ETV1: variants seen among roughly 807,000 people sequenced by gnomAD.
The protein encoded by ETV1 is ETS translocation variant 1.
Under a neutral mutation model 62.3 loss-of-function variants are expected in ETV1, and 27 were observed. The observed-to-expected ratio is 0.43, with a 90% CI of 0.32 to 0.60. The LOEUF (loss-of-function observed/expected upper bound fraction) is 0.60, where lower values mean the gene tolerates loss of function less well. Ranked by LOEUF, ETV1 falls within the 20% of genes least tolerant of loss-of-function variation. The probability of loss-of-function intolerance (pLI) is 0.06; values close to 1 mark genes in which losing one functional copy is unlikely to be tolerated. For missense variants in ETV1, 605 were observed against 605.8 expected (o/e 1.00, Z 0.01); for synonymous variants, 222 against 199.6 (o/e 1.11, Z -0.94).
chr7:13,896,782 A>AAGAAAGAAAGAAAG (rs1781885044), intron 13 of ETV1, among the ~76,000 whole-genome samples: 1 of 151,766 alleles, frequency 6.6e-6, no homozygotes, highest in Non-Finnish European at 1.5e-5. Flanking sequence ...GAAAGAAAGA[A>AAGAAAGAAAGAAAG]AGAAAGAAAG....
chr7:13,964,076 G>C (rs919787924), intron 6 of ETV1, among the ~76,000 whole-genome samples: 1 of 152,162 alleles, frequency 6.6e-6, no homozygotes, highest in Non-Finnish European at 1.5e-5. Flanking sequence ...ACAGACCCGT[G>C]AGTTGAGACA....
At chr7:13,906,620 G>A in intron 11 of ETV1, 21 bp from the exon 12 acceptor site, 2 of 1,555,366 alleles carry the variant, frequency 1.3e-6, no homozygotes, top group South Asian at 1.2e-5. Flanking sequence ...ACATTTTTAA[G>A]TTTCTATTAT....
chr7:13,909,055 A>G (rs1248345209), intron 11 of ETV1, among the ~76,000 whole-genome samples: 2 of 151,940 alleles, frequency 1.3e-5, no homozygotes, highest in Admixed American at 6.6e-5. Context: ...AGCAAGTGAT[A>G]TTAAAAAGGT....
chr7:13,980,504 T>A (rs899620688), intron 5 of ETV1, among the ~76,000 whole-genome samples: 1 of 151,972 alleles, frequency 6.6e-6, no homozygotes, highest in African/African-American at 2.4e-5. Context: ...CTGGATATAA[T>A]CACCTTTGGG....
At chr7:13,911,508 T>G (rs1783567940) in intron 9 of ETV1, among the ~76,000 whole-genome samples, 1 of 152,174 alleles carries the variant, frequency 6.6e-6, no homozygotes. Context: ...TGAATGCTGA[T>G]TCTCTTGAAT....
intron 7 of ETV1, among the ~76,000 whole-genome samples, chr7:13,938,186 C>A (rs1005310368): frequency 2.6e-5 from 4 of 152,180 alleles, no homozygotes; most frequent in Admixed American, 2.6e-4. Flanking sequence ...CTCAGGTGAT[C>A]CGCCCAACTC....
At chr7:13,961,066 A>G (rs904044437) in intron 6 of ETV1, among the ~76,000 whole-genome samples, 2 of 139,758 alleles carry the variant, frequency 1.4e-5, no homozygotes, top group Non-Finnish European at 3.2e-5. Context: ...AGATCGCTTG[A>G]GCGCGGGTGG....
intron 4 of ETV1, 127 bp downstream of exon 4, chr7:13,987,959 G>C (rs1250467351): frequency 2.1e-5 from 13 of 625,568 alleles, no homozygotes; most frequent in Middle Eastern, 2.5e-4. Flanking sequence ...CCAAGTTAAA[G>C]TCTTAGTTAG....
chr7:13,899,488 A>C (rs529540674), intron 13 of ETV1, among the ~76,000 whole-genome samples: 76 of 152,330 alleles, frequency 5.0e-4, no homozygotes, highest in Non-Finnish European at 8.2e-4. Context: ...GAAAGTCAAC[A>C]GTGCTATTTT....
chr7:13,987,714 GA>G (rs1782671370), intron 4 of ETV1, among the ~76,000 whole-genome samples: 1 of 152,116 alleles, frequency 6.6e-6, no homozygotes, highest in African/African-American at 2.4e-5. Context: ...AAAGGAGAAA[GA>G]AAAAAGTAAG....
rs1782568597 is a variant in ETV1, at chr7:13,986,541, A to G, written c.181+97T>C. 17 of 1,579,092 alleles carry G rather than the reference A, an allele frequency of 1.1e-5. No individual in the cohort carries two copies. The East Asian group carries it at 1.1e-4, about 10-fold the overall frequency. On this transcript the variant is annotated intron_variant, in intron 5 of 13. Transcript: ENST00000430479. ...CATGAGGTGGCTCTTTTAGAGCTCA[A>G]TTAATTGGGCTGAATATTAAGACAG...
chr7:13,938,590 C>T (rs1477568006), intron 7 of ETV1, among the ~76,000 whole-genome samples: 1 of 152,130 alleles, frequency 6.6e-6, no homozygotes, highest in Non-Finnish European at 1.5e-5. Flanking sequence ...ATGAACAATG[C>T]ACTTTTACTG....
At position 13,988,581 on chromosome 7, in the gene ETV1, AAGAGT is replaced by A. The variant is rs535385364; in HGVS notation, c.46-413_46-409del. On this transcript the variant is annotated intron_variant, in intron 3 of 13. Coordinates refer to ENST00000430479, the MANE Select transcript of ETV1 (RefSeq NM_004956.5). ...CACCCCCACAAAAAAAAAAAGCAAA[AAGAGT>A]AGAGAAATGAAAAAAAAAAAAAAGA... is the stretch of plus-strand genomic sequence containing the variant. 92 of 915,396 alleles carry A rather than the reference AAGAGT, an allele frequency of 1.0e-4. No homozygotes were observed. In the East Asian group the frequency reaches 5.0e-3, roughly 50 times the overall value. 56.7% of individuals were successfully genotyped at this position (915,396 alleles called of 1,614,324 possible).
At chr7:13,977,293 T>C in intron 6 of ETV1, 134 bp downstream of exon 6, 3 of 574,604 alleles carry the variant, frequency 5.2e-6, no homozygotes, top group South Asian at 5.2e-5. Context: ...CAAATCATCT[T>C]ATGGCTGTAA....
intron 6 of ETV1, among the ~76,000 whole-genome samples, chr7:13,951,209 C>A (rs1330032313): frequency 6.6e-6 from 1 of 152,158 alleles, no homozygotes; most frequent in Non-Finnish European, 1.5e-5. Flanking sequence ...CTCACACACA[C>A]ATACACATCA....
At chr7:13,961,992 T>C (rs952729207) in intron 6 of ETV1, among the ~76,000 whole-genome samples, 3 of 152,034 alleles carry the variant, frequency 2.0e-5, no homozygotes, top group Non-Finnish European at 4.4e-5. Flanking sequence ...TATTTATGAG[T>C]ATGAAGAAAA....
At chr7:13,930,416 G>A (rs1026371845) in intron 9 of ETV1, among the ~76,000 whole-genome samples, 3 of 151,960 alleles carry the variant, frequency 2.0e-5, no homozygotes, top group African/African-American at 7.2e-5. Context: ...CCACCTCCTG[G>A]GTTCAAGCAA....
intron 9 of ETV1, among the ~76,000 whole-genome samples, chr7:13,914,073 C>G (rs890049265): frequency 5.3e-5 from 8 of 151,464 alleles, no homozygotes; most frequent in Non-Finnish European, 8.8e-5. Context: ...TTAGTAGAGA[C>G]GGGGTTTCAC....
At chr7:13,946,900 G>A (rs1012332369) in intron 6 of ETV1, among the ~76,000 whole-genome samples, 1 of 151,962 alleles carries the variant, frequency 6.6e-6, no homozygotes, top group Non-Finnish European at 1.5e-5. Context: ...GTGATTCTCC[G>A]GCCTCAGCCT....
Sources: gnomAD v4.1 joint callset for allele counts (sites outside exome capture counted in the v4.1 genomes callset) on GRCh38, gnomAD v4.1.1 for gene constraint, MANE v1.5 for transcripts, NCBI Gene and HGNC (gene_info 2026-07-23, HGNC 2026-07-21) for gene names.